Variants in TP63 observed in about 807,000 individuals in gnomAD.
TP63 encodes the protein tumor protein 63.
A neutral mutation model predicts 82.8 loss-of-function variants in TP63; 17 were observed. The observed-to-expected ratio is 0.21, with a 90% CI of 0.14 to 0.31. The LOEUF is 0.31. Among genes scored for constraint, TP63 ranks in the 10% least tolerant of loss-of-function variants. The pLI is 1.00. For missense variants in TP63, 648 were observed against 895.3 expected (o/e 0.72, Z 3.52); for synonymous variants, 330 against 321.7 (o/e 1.03, Z -0.28).
chr3:189,597,545 A>G, the TP63 span, among the ~76,000 whole-genome samples: 1 of 152,264 alleles, frequency 6.6e-6, no homozygotes, highest in Non-Finnish European at 1.5e-5. Context: ...AAATAGAATC[A>G]AATGATCAAA....
chr3:189,789,740 G>A, intron 3 of TP63: 6 of 1,545,540 alleles, frequency 3.9e-6, no homozygotes, highest in Admixed American at 4.0e-5. Flanking sequence ...GGGGTGGGGG[G>A]GTTGGCAAAA....
rs776733906 is a variant in TP63, at chr3:189,646,948, A to G, written c.62+15371A>G. Among the ~76,000 whole-genome samples, 22 of 147,286 alleles carry G rather than the reference A, an allele frequency of 1.5e-4. 1 individual carries two copies. The highest frequency in any genetic ancestry group is 2.8e-4 in the Non-Finnish European group (19 of 67,354). On this transcript the variant is annotated intron_variant, in intron 1 of 13. Transcript: ENST00000264731. Reference sequence around the variant, plus strand: ...GCTTTTCCAGTCATAAGAGAATGCCACGATTTTCATTGCTCAAAGCATGCT... The same window carrying G: ...GCTTTTCCAGTCATAAGAGAATGCCGCGATTTTCATTGCTCAAAGCATGCT...
At chr3:189,672,664 A>AGAAGGAAG (rs71173301) in intron 1 of TP63, among the ~76,000 whole-genome samples, 9,207 of 116,904 alleles carry the variant, frequency 0.079, 646 homozygotes, top group Admixed American at 0.13. Flanking sequence ...AAGGAAGGAA[A>AGAAGGAAG]GAAGGAAGGA....
chr3:189,667,026 A>G lies in TP63; in HGVS notation c.62+35449A>G, dbSNP rs917958785. On this transcript the variant is annotated intron_variant, in intron 1 of 13. Coordinates refer to ENST00000264731, the MANE Select transcript of TP63 (RefSeq NM_003722.5). ...AGACAGCACAGGCTTACAGTTTTTG[A>G]AAAAAAAAAAAAAAACTCATAAAAG... 2.5e-4 allele frequency among the ~76,000 whole-genome samples: 14 copies of G among 55,432 alleles called. No homozygotes were observed. The South Asian group carries it at 3.9e-3, about 15-fold the overall frequency. 36.4% of individuals were successfully genotyped at this position (55,432 alleles called of 152,430 possible).
At chr3:189,801,144 C>T (rs1726263902) in intron 3 of TP63, among the ~76,000 whole-genome samples, 1 of 152,074 alleles carries the variant, frequency 6.6e-6, no homozygotes, top group Admixed American at 6.6e-5. Context: ...TACTGCTGGG[C>T]TTCTAAAGGC....
intron 1 of TP63, among the ~76,000 whole-genome samples, chr3:189,646,102 A>G (rs897065541): frequency 6.8e-6 from 1 of 147,402 alleles, no homozygotes; most frequent in Non-Finnish European, 1.5e-5. Context: ...GTGTGATCCC[A>G]AGAGTACAAC....
chr3:189,597,098 C>T, the TP63 span, among the ~76,000 whole-genome samples: 1 of 152,156 alleles, frequency 6.6e-6, no homozygotes, highest in Non-Finnish European at 1.5e-5. Context: ...TAACACTCAC[C>T]GCCAGGGTCC....
chr3:189,892,120 A>G (rs1721084920), intron 13 of TP63, among the ~76,000 whole-genome samples: 1 of 152,186 alleles, frequency 6.6e-6, no homozygotes, highest in African/African-American at 2.4e-5. Context: ...CTTTACAGTC[A>G]CTTCCGTCCA....
chr3:189,707,902 T>G (rs1718319116), intron 1 of TP63, among the ~76,000 whole-genome samples: 1 of 152,216 alleles, frequency 6.6e-6, no homozygotes, highest in Non-Finnish European at 1.5e-5. Context: ...TTATGTGGCA[T>G]TGTACATTGC....
At chr3:189,754,215 T>C (rs1235756681) in intron 3 of TP63, among the ~76,000 whole-genome samples, 5 of 152,106 alleles carry the variant, frequency 3.3e-5, no homozygotes, top group Non-Finnish European at 7.4e-5. Flanking sequence ...AGGTCAAAGC[T>C]CTAGTTTGCT....
At chr3:189,849,929 C>G (rs1715411477) in intron 4 of TP63, among the ~76,000 whole-genome samples, 1 of 152,134 alleles carries the variant, frequency 6.6e-6, no homozygotes, top group East Asian at 1.9e-4. Context: ...AGGTCTGTAA[C>G]AAGTTTACAG....
chr3:189,645,348 G>A (rs1024796429), intron 1 of TP63: 6 of 529,206 alleles, frequency 1.1e-5, no homozygotes, highest in Admixed American at 2.1e-5. Flanking sequence ...TTGAAGTCTA[G>A]TAAGCAGAAC....
chr3:189,789,858 T>C (rs1220046068), intron 3 of TP63: 2 of 1,577,476 alleles, frequency 1.3e-6, no homozygotes, highest in Non-Finnish European at 1.7e-6. Flanking sequence ...GATTTTAGAT[T>C]TTAGCACTCC....
chr3:189,626,433 A>G (rs80079736), upstream of TP63, among the ~76,000 whole-genome samples: 340 of 152,296 alleles, frequency 2.2e-3, 3 homozygotes, highest in African/African-American at 8.0e-3. Context: ...TGGAAAGGCT[A>G]GGACCTGAGG....
At chr3:189,771,290 TA>T (rs1723322618) in intron 3 of TP63, among the ~76,000 whole-genome samples, 1 of 138,912 alleles carries the variant, frequency 7.2e-6, no homozygotes, top group Non-Finnish European at 1.5e-5. Context: ...TATATAAATA[TA>T]TATTATATTT....
chr3:189,598,901 G>C, the TP63 span, among the ~76,000 whole-genome samples: 10 of 152,332 alleles, frequency 6.6e-5, no homozygotes, highest in African/African-American at 2.4e-4. Context: ...AGCTTTTGGA[G>C]AATAGCAAGT....
chr3:189,846,665 A>G (rs1189205987), intron 4 of TP63, among the ~76,000 whole-genome samples: 1 of 139,538 alleles, frequency 7.2e-6, no homozygotes, highest in Non-Finnish European at 1.5e-5. Context: ...GATTACCAAC[A>G]CTTTGTTTTC....
intron 3 of TP63, among the ~76,000 whole-genome samples, chr3:189,743,354 A>T (rs914136128): frequency 6.6e-6 from 1 of 152,186 alleles, no homozygotes; most frequent in Non-Finnish European, 1.5e-5. Flanking sequence ...TTCATTTCTT[A>T]TGAGAGTAGA....
At chr3:189,694,398 C>A (rs960965149) in intron 1 of TP63, among the ~76,000 whole-genome samples, 1 of 152,096 alleles carries the variant, frequency 6.6e-6, no homozygotes, top group African/African-American at 2.4e-5. Flanking sequence ...TGTTCCAAGA[C>A]CTTATTCAGA....
Sources: gnomAD v4.1 joint callset for allele counts (sites outside exome capture counted in the v4.1 genomes callset) on GRCh38, gnomAD v4.1.1 for gene constraint, MANE v1.5 for transcripts, NCBI Gene and HGNC (gene_info 2026-07-23, HGNC 2026-07-21) for gene names.